Variants in KLF12 observed in about 807,000 individuals in gnomAD.
The protein encoded by KLF12 is KLF transcription factor 12, also known as Krueppel-like factor 12.
In KLF12, 9 loss-of-function variants were observed where a neutral mutation model predicts 37.8. That is an observed-to-expected ratio of 0.24 (90% CI 0.14 to 0.42). The LOEUF is 0.42. KLF12 is among the 10% of genes least tolerant of loss of function. The pLI is 1.00. For missense variants in KLF12, 411 were observed against 516.0 expected (o/e 0.80, Z 1.97); for synonymous variants, 208 against 202.1 (o/e 1.03, Z -0.25).
chr13:74,014,093 C>G (rs1160680277), intron 1 of KLF12, among the ~76,000 whole-genome samples: 4 of 152,160 alleles, frequency 2.6e-5, no homozygotes, highest in Non-Finnish European at 1.5e-5. Context: ...TTTAAACTAA[C>G]TCTGAAAAAA....
chr13:73,929,528 T>C (rs9543493), intron 3 of KLF12, among the ~76,000 whole-genome samples: 145,898 of 152,262 alleles, frequency 0.96, 70,217 homozygotes, highest in East Asian at 1. Flanking sequence ...TACATCTCAC[T>C]GTATCAGCTG....
At chr13:74,134,310 A>AG (rs1354405088), upstream of KLF12, among the ~76,000 whole-genome samples, 1 of 150,298 alleles carries the variant, frequency 6.7e-6, no homozygotes, top group African/African-American at 2.5e-5. Flanking sequence ...GGCGGCGGGG[A>AG]GGGGCTCGCT....
chr13:73,707,197 T>A (rs966541038), intron 7 of KLF12, among the ~76,000 whole-genome samples: 1 of 152,200 alleles, frequency 6.6e-6, no homozygotes, highest in Non-Finnish European at 1.5e-5. Flanking sequence ...CTGGCTCTAC[T>A]GCTTTCCTAA....
chr13:74,239,295 G>T, the KLF12 span, among the ~76,000 whole-genome samples: 1 of 151,458 alleles, frequency 6.6e-6, no homozygotes, highest in Non-Finnish European at 1.5e-5. Flanking sequence ...ATTGCACTGT[G>T]GTCTGAGAGA....
At chr13:74,261,410 A>T in the KLF12 span, among the ~76,000 whole-genome samples, 2 of 152,232 alleles carry the variant, frequency 1.3e-5, no homozygotes, top group Admixed American at 1.3e-4. Flanking sequence ...ATATTTCAAA[A>T]TAAAAGTGCT....
chr13:73,898,886 C>A (rs961432075), intron 3 of KLF12, among the ~76,000 whole-genome samples: 1 of 152,184 alleles, frequency 6.6e-6, no homozygotes, highest in African/African-American at 2.4e-5. Context: ...TCCCTCCTTA[C>A]GGCATTACAA....
chr13:73,846,515 C>T (rs1457821545), intron 3 of KLF12, 142 bp from the exon 4 acceptor site: 3 of 795,230 alleles, frequency 3.8e-6, no homozygotes, highest in East Asian at 2.7e-5. Context: ...TGAAGGATTG[C>T]TCAGAGACAG....
chr13:74,074,627 T>C (rs1037013500), intron 1 of KLF12, among the ~76,000 whole-genome samples: 2 of 152,162 alleles, frequency 1.3e-5, no homozygotes, highest in African/African-American at 4.8e-5. Flanking sequence ...GAATTTCCTT[T>C]TTATTTTTTA....
At chr13:73,765,837 G>GT (rs1351050521) in intron 5 of KLF12, among the ~76,000 whole-genome samples, 1 of 152,104 alleles carries the variant, frequency 6.6e-6, no homozygotes, top group African/African-American at 2.4e-5. Flanking sequence ...GTCTTAGCTT[G>GT]TATTACCTTC....
At chr13:73,923,445 T>C (rs960492632) in intron 3 of KLF12, among the ~76,000 whole-genome samples, 14 of 152,218 alleles carry the variant, frequency 9.2e-5, no homozygotes, top group African/African-American at 3.1e-4. Context: ...AATGTATATG[T>C]ATCTACTAAG....
the KLF12 span, among the ~76,000 whole-genome samples, chr13:74,264,362 A>G: frequency 6.6e-6 from 1 of 152,334 alleles, no homozygotes; most frequent in East Asian, 1.9e-4. Context: ...TTATAGCTGT[A>G]GAGATGAGGT....
At chr13:73,946,151 T>A (rs187539869) in intron 2 of KLF12, among the ~76,000 whole-genome samples, 1 of 152,250 alleles carries the variant, frequency 6.6e-6, no homozygotes, top group Admixed American at 6.5e-5. Flanking sequence ...CAATGAAGGA[T>A]GAGCTGATAT....
chr13:74,150,711 G>T, the KLF12 span, among the ~76,000 whole-genome samples: 1 of 152,060 alleles, frequency 6.6e-6, no homozygotes, highest in Admixed American at 6.6e-5. Flanking sequence ...GTAAAATAAG[G>T]GTGACTTGAA....
intron 6 of KLF12, among the ~76,000 whole-genome samples, chr13:73,743,550 G>A (rs1439011247): frequency 2.0e-5 from 3 of 152,108 alleles, no homozygotes; most frequent in African/African-American, 7.2e-5. Flanking sequence ...ATTAAGGCAG[G>A]GTTGGGGGAG....
At chr13:73,915,689 A>ATTTTTTTTT (rs140697314) in intron 3 of KLF12, among the ~76,000 whole-genome samples, 35 of 99,100 alleles carry the variant, frequency 3.5e-4, no homozygotes, top group African/African-American at 4.7e-4. Context: ...ATTTTTTTGT[A>ATTTTTTTTT]TTTTTTTTTT....
chr13:74,171,239 A>G, the KLF12 span, among the ~76,000 whole-genome samples: 1 of 152,324 alleles, frequency 6.6e-6, no homozygotes, highest in Admixed American at 6.5e-5. Context: ...CCTTGCTCAA[A>G]GAGTGAAACT....
intron 5 of KLF12, among the ~76,000 whole-genome samples, chr13:73,773,745 G>A (rs980573225): frequency 6.6e-6 from 1 of 152,020 alleles, no homozygotes; most frequent in African/African-American, 2.4e-5. Flanking sequence ...AACACGGCCC[G>A]AATGCCTATC....
chr13:73,935,964 T>G (rs1221436881), intron 3 of KLF12, among the ~76,000 whole-genome samples: 1 of 152,166 alleles, frequency 6.6e-6, no homozygotes, highest in Admixed American at 6.5e-5. Flanking sequence ...TTTCATCTGT[T>G]TAATTTTTTA....
intron 7 of KLF12, among the ~76,000 whole-genome samples, chr13:73,706,542 T>A (rs187589814): frequency 1.3e-5 from 2 of 152,218 alleles, no homozygotes; most frequent in Admixed American, 1.3e-4. Flanking sequence ...CTCTTCCCCA[T>A]TGATGAAAAT....
Sources: allele counts gnomAD v4.1 joint callset (sites outside exome capture counted in the v4.1 genomes callset), GRCh38; gene constraint gnomAD v4.1.1; transcripts MANE v1.5; gene names NCBI Gene and HGNC (gene_info 2026-07-23, HGNC 2026-07-21).